Variants in NGEF observed in about 807,000 individuals in gnomAD.
NGEF encodes the protein neuronal guanine nucleotide exchange factor, also known as ephexin-1.
In NGEF, 31 loss-of-function variants were observed where a neutral mutation model predicts 80.9. The ratio of observed to expected loss-of-function variants is 0.38; its 90% CI spans 0.29 to 0.52. NGEF has a LOEUF of 0.52. Ranked by LOEUF, NGEF falls within the 20% of genes least tolerant of loss-of-function variation. The probability of loss-of-function intolerance (pLI) is 0.84; values close to 1 mark genes in which losing one functional copy is unlikely to be tolerated. For missense variants in NGEF, 709 were observed against 926.2 expected, an observed-to-expected ratio of 0.77 and a Z score of 3.04; for synonymous variants, 371 against 370.2, an observed-to-expected ratio of 1.00 and a Z score of -0.03.
intron 9 of NGEF, among the ~76,000 whole-genome samples, chr2:232,886,679 G>A (rs1205379505): frequency 6.6e-6 from 1 of 152,264 alleles, no homozygotes; most frequent in Non-Finnish European, 1.5e-5. Context: ...AAATGAAGAT[G>A]AAAGCAGAAA....
rs1691602624 is a variant in NGEF at position 232,884,227 on chromosome 2, T to A, written c.1438-83A>T. The A allele has an allele frequency of 1.5e-5, 21 of 1,365,522 alleles. No homozygotes were observed. The South Asian group carries it at 3.1e-4, about 20-fold the overall frequency. The allele number at this position is 1,365,522 out of a possible 1,614,324, so 84.6% of individuals were successfully genotyped here. On this transcript the variant is annotated intron_variant, in intron 10 of 14. Transcript: ENST00000264051. Reference sequence around the variant, plus strand: ...TGCCCCCAGGGCTGCGTCTGTCACATTCCCTGACACCTGCCCAGGGCCCCG... The same window carrying A: ...TGCCCCCAGGGCTGCGTCTGTCACAATCCCTGACACCTGCCCAGGGCCCCG...
Position 232,879,541 on chromosome 2 carries a change from T to C in NGEF, c.2081A>G (p.Gln694Arg). 1.2e-6 allele frequency: 2 copies of C among 1,613,738 alleles called. No homozygotes were observed. The highest frequency in any genetic ancestry group is 1.7e-6 in the Non-Finnish European group (2 of 1,179,838). The part of the protein sequence containing the change: ...CFRVHKMDDP[Q>R]RSQNKDRRKL... ...CCTGCGGTCCTTGTTCTGGCTGCGC[T>C]GAGGGTCATCCATCTTGTGGACACG... The change falls in exon 15 of 15, where the codon CAG (glutamine) becomes CGG (arginine). Residue 694 changes from glutamine (Q) to arginine (R), a missense_variant. Coordinates refer to ENST00000264051, the MANE Select transcript of NGEF (RefSeq NM_019850.3).
At chr2:232,895,060 C>T in intron 5 of NGEF, 144 bp from the exon 6 acceptor site, 2 of 859,310 alleles carry the variant, frequency 2.3e-6, no homozygotes, top group Non-Finnish European at 3.6e-6. Flanking sequence ...GGGATGGCTG[C>T]TGCAGGGGCA....
intron 1 of NGEF, among the ~76,000 whole-genome samples, chr2:232,986,693 C>T (rs1574654571): frequency 6.6e-6 from 1 of 152,236 alleles, no homozygotes; most frequent in East Asian, 1.9e-4. Flanking sequence ...CAATGTTTGC[C>T]AAGGGCTGGG....
intron 1 of NGEF, among the ~76,000 whole-genome samples, chr2:232,980,196 G>A (rs1694384268): frequency 6.6e-6 from 1 of 152,184 alleles, no homozygotes; most frequent in African/African-American, 2.4e-5. Context: ...AGCTGAGGTG[G>A]CTGTTACACC....
At chr2:232,951,560 G>A (rs535274894) in intron 3 of NGEF, among the ~76,000 whole-genome samples, 45 of 152,280 alleles carry the variant, frequency 3.0e-4, no homozygotes, top group African/African-American at 9.6e-4. Context: ...TTGCGTGACC[G>A]GCAGTGTCAG....
chr2:232,946,253 A>C (rs1693555732), intron 3 of NGEF, among the ~76,000 whole-genome samples: 2 of 151,970 alleles, frequency 1.3e-5, no homozygotes, highest in Admixed American at 6.6e-5. Context: ...AAGACGTAAG[A>C]ATGACACAGT....
chr2:232,909,288 C>T (rs11889873), intron 5 of NGEF, among the ~76,000 whole-genome samples: 3,713 of 152,080 alleles, frequency 0.024, 178 homozygotes, highest in African/African-American at 0.085. Flanking sequence ...TTTGAAGATC[C>T]GTGTATTTTT....
chr2:232,973,595 C>T (rs367637588), intron 2 of NGEF, among the ~76,000 whole-genome samples: 62 of 152,278 alleles, frequency 4.1e-4, no homozygotes, highest in African/African-American at 1.4e-3. Context: ...TATGCATAAG[C>T]CTGGGCCAGC....
chr2:232,906,240 G>T (rs1487928013), intron 5 of NGEF, among the ~76,000 whole-genome samples: 1 of 99,692 alleles, frequency 1.0e-5, no homozygotes, highest in Non-Finnish European at 2.0e-5. Context: ...CCCCCCGCCC[G>T]GCCAGCCGCC....
chr2:232,942,533 A>C (rs1693457568), intron 3 of NGEF, among the ~76,000 whole-genome samples: 1 of 151,570 alleles, frequency 6.6e-6, no homozygotes, highest in Admixed American at 6.6e-5. Flanking sequence ...TCTCTTTCCT[A>C]CTCCCTTAAA....
chr2:232,887,292 C>T (rs1435884878), intron 9 of NGEF, among the ~76,000 whole-genome samples: 1 of 152,236 alleles, frequency 6.6e-6, no homozygotes, highest in Non-Finnish European at 1.5e-5. Flanking sequence ...GTAAGAGCTC[C>T]TGAGGACTGA....
At chr2:232,920,653 G>C in intron 4 of NGEF, 68 bp from the exon 5 acceptor site, 1 of 1,448,400 alleles carries the variant, frequency 6.9e-7, no homozygotes, top group Non-Finnish European at 9.3e-7. Flanking sequence ...AAATCCCTAA[G>C]TCAAGGCTTC....
At chr2:232,967,333 C>CATT (rs1694082270) in intron 3 of NGEF, among the ~76,000 whole-genome samples, 1 of 151,920 alleles carries the variant, frequency 6.6e-6, no homozygotes, top group Non-Finnish European at 1.5e-5. Flanking sequence ...TTCTTTTCTT[C>CATT]ATTATTATTA....
At chr2:232,949,249 T>TAA (rs1693626869) in intron 3 of NGEF, among the ~76,000 whole-genome samples, 1 of 152,172 alleles carries the variant, frequency 6.6e-6, no homozygotes, top group South Asian at 2.1e-4. Context: ...CCCCAGTACC[T>TAA]AAAACAAAGC....
At position 232,879,471 on chromosome 2, in the gene NGEF, T is replaced by G. The variant is rs764649465; in HGVS notation, c.*18A>C. The stretch of plus-strand genomic sequence containing the variant: ...GGTCTCATGCAGGCCCTGCTCCCGC[T>G]GGCCCCCTGGGTGGGGGTCATTGCC... On this transcript the variant is annotated 3_prime_UTR_variant, in exon 15 of 15. Transcript: ENST00000264051. 1 of 1,485,924 alleles carries G rather than the reference T, an allele frequency of 6.7e-7. No homozygotes were observed. Among genetic ancestry groups the G allele is most frequent in the South Asian group, 1.2e-5 (1 of 82,954 alleles). The allele number at this position is 1,485,924 out of a possible 1,614,324, so 92.0% of individuals were successfully genotyped here.
At chr2:232,885,555 G>A in intron 9 of NGEF, 186 bp from the exon 10 acceptor site, 1 of 589,366 alleles carries the variant, frequency 1.7e-6, no homozygotes, top group Non-Finnish European at 3.0e-6. Flanking sequence ...TGGGGCAAAG[G>A]CAAGTGGGAA....
At chr2:232,989,759 C>T (rs1245209955) in intron 1 of NGEF, among the ~76,000 whole-genome samples, 1 of 152,128 alleles carries the variant, frequency 6.6e-6, no homozygotes, top group Admixed American at 6.5e-5. Flanking sequence ...TAAGGATGAA[C>T]AGTTAAATGA....
chr2:232,886,030 A>T lies in NGEF; in HGVS notation c.1348-661T>A, dbSNP rs193007371. ...AGGCAGGGACTCCACCTGCACTCGA[A>T]TGCGGGGCAAAGCTGTTTCTAAACC... On this transcript the variant is annotated intron_variant, in intron 9 of 14. Transcript: ENST00000264051. Among the ~76,000 whole-genome samples, 104 of 146,324 alleles carry T rather than the reference A, an allele frequency of 7.1e-4. 1 individual carries two copies. The highest frequency in any genetic ancestry group is 1.0e-3 in the Non-Finnish European group (67 of 66,194).
Sources: gnomAD v4.1 joint callset for allele counts (sites outside exome capture counted in the v4.1 genomes callset) on GRCh38, gnomAD v4.1.1 for gene constraint, MANE v1.5 for transcripts, NCBI Gene and HGNC (gene_info 2026-07-23, HGNC 2026-07-21) for gene names.